Variants in HS6ST3 observed in about 807,000 individuals in gnomAD.
HS6ST3 encodes the protein heparan sulfate 6-O-sulfotransferase 3.
HS6ST3 carries 12 observed loss-of-function variants against 36.7 expected under a neutral mutation model. The observed-to-expected ratio is 0.33, with a 90% CI of 0.21 to 0.53. The LOEUF (loss-of-function observed/expected upper bound fraction) is 0.53. Among genes scored for constraint, HS6ST3 ranks in the 20% least tolerant of loss-of-function variants. The pLI is 0.95. For synonymous variants in HS6ST3, 240 were observed against 257.5 expected, an observed-to-expected ratio of 0.93 and a Z score of 0.65; for missense variants, 584 against 640.9, an observed-to-expected ratio of 0.91 and a Z score of 0.96.
chr13:96,598,306 A>G (rs2056409427), intron 1 of HS6ST3, among the ~76,000 whole-genome samples: 2 of 152,130 alleles, frequency 1.3e-5, no homozygotes, highest in Non-Finnish European at 2.9e-5. Flanking sequence ...CCAACCCATG[A>G]GCATGGAATA....
At chr13:96,345,100 T>G (rs558247089) in intron 1 of HS6ST3, among the ~76,000 whole-genome samples, 1 of 152,324 alleles carries the variant, frequency 6.6e-6, no homozygotes, top group South Asian at 2.1e-4. Flanking sequence ...AGAAACATCC[T>G]AGAATGAGGG....
chr13:96,250,114 C>T (rs1428899965), intron 1 of HS6ST3, among the ~76,000 whole-genome samples: 2 of 152,080 alleles, frequency 1.3e-5, no homozygotes, highest in Non-Finnish European at 1.5e-5. Flanking sequence ...TATTTTACCG[C>T]AATAAATGAT....
In HS6ST3 at chr13:96,542,592, C is replaced by T. The variant is rs191653911; in HGVS notation, c.708-289898C>T. Among the ~76,000 whole-genome samples, 334 of 152,210 alleles carry T rather than the reference C, an allele frequency of 2.2e-3. 3 individuals carry two copies. The highest frequency in any genetic ancestry group is 1.2e-3 in the Non-Finnish European group (80 of 68,014). Reference sequence around the variant, plus strand: ...TTGCTTCACTCCTTGACTGTTCTGACACCTCCCAGCCACAGCCCCCTATAT... The same window carrying T: ...TTGCTTCACTCCTTGACTGTTCTGATACCTCCCAGCCACAGCCCCCTATAT... On this transcript the variant is annotated intron_variant, in intron 1 of 1. Coordinates refer to ENST00000376705, the MANE Select transcript of HS6ST3 (RefSeq NM_153456.4).
At chr13:96,331,789 G>A (rs1448992340) in intron 1 of HS6ST3, among the ~76,000 whole-genome samples, 5 of 152,076 alleles carry the variant, frequency 3.3e-5, no homozygotes, top group African/African-American at 7.2e-5. Context: ...CCTCGCTGCC[G>A]CCTTGCAGTT....
chr13:96,310,433 G>A (rs2054934577), intron 1 of HS6ST3, among the ~76,000 whole-genome samples: 1 of 152,038 alleles, frequency 6.6e-6, no homozygotes, highest in Admixed American at 6.6e-5. Context: ...CAGCTTTTTG[G>A]ATACAGGTAG....
In HS6ST3 at chr13:96,341,667, T is replaced by C. The variant is rs1210600369; in HGVS notation, c.707+250098T>C. Among the ~76,000 whole-genome samples, 4 of 152,136 alleles carry C rather than the reference T, an allele frequency of 2.6e-5. No homozygotes were observed. In the East Asian group the frequency reaches 7.7e-4, roughly 29 times the overall value. ...GTGGAAATTTTGTTTTGAAAAGATA[T>C]GGAGGGGGAGAAATGGAGATCGATG... is the stretch of plus-strand genomic sequence containing the variant. On this transcript the variant is annotated intron_variant, in intron 1 of 1. Coordinates refer to ENST00000376705, the MANE Select transcript of HS6ST3 (RefSeq NM_153456.4).
intron 1 of HS6ST3, among the ~76,000 whole-genome samples, chr13:96,779,545 G>A (rs1297803311): frequency 1.3e-5 from 2 of 151,930 alleles, no homozygotes; most frequent in Non-Finnish European, 2.9e-5. Flanking sequence ...GAGGGATCTG[G>A]ACATTTTGTG....
chr13:96,236,640 C>T (rs570697952), intron 1 of HS6ST3, among the ~76,000 whole-genome samples: 1 of 152,308 alleles, frequency 6.6e-6, no homozygotes, highest in Non-Finnish European at 1.5e-5. Context: ...CTTGCCAGCA[C>T]TCAAGCAGCT....
intron 1 of HS6ST3, among the ~76,000 whole-genome samples, chr13:96,163,385 A>G (rs2054146117): frequency 6.6e-6 from 1 of 151,722 alleles, no homozygotes; most frequent in Non-Finnish European, 1.5e-5. Context: ...GCCCACCACC[A>G]TGCCTGGCTA....
chr13:96,377,066 A>T (rs1412608189), intron 1 of HS6ST3, among the ~76,000 whole-genome samples: 4 of 145,858 alleles, frequency 2.7e-5, no homozygotes, highest in Admixed American at 2.1e-4. Flanking sequence ...TATATATTTT[A>T]TATATATATA....
chr13:96,639,627 G>T (rs1344514902), intron 1 of HS6ST3, among the ~76,000 whole-genome samples: 2 of 151,808 alleles, frequency 1.3e-5, no homozygotes, highest in Admixed American at 1.3e-4. Flanking sequence ...TGAGGTTTGG[G>T]GTATGATTGA....
chr13:96,119,661 T>C (rs769593671), intron 1 of HS6ST3, among the ~76,000 whole-genome samples: 1 of 152,134 alleles, frequency 6.6e-6, no homozygotes, highest in Non-Finnish European at 1.5e-5. Context: ...TACTGTAGAG[T>C]ATAATTAATC....
At chr13:96,203,781 A>G (rs1389076851) in intron 1 of HS6ST3, among the ~76,000 whole-genome samples, 2 of 152,232 alleles carry the variant, frequency 1.3e-5, no homozygotes, top group African/African-American at 4.8e-5. Context: ...AGTGGGTTCA[A>G]ATTTAAAGTA....
chr13:96,613,482 G>A (rs1411971448), intron 1 of HS6ST3, among the ~76,000 whole-genome samples: 1 of 152,172 alleles, frequency 6.6e-6, no homozygotes, highest in African/African-American at 2.4e-5. Context: ...TACTTGCGTG[G>A]CACTGAGAAT....
chr13:96,229,837 C>T (rs1347419588), intron 1 of HS6ST3, among the ~76,000 whole-genome samples: 1 of 152,096 alleles, frequency 6.6e-6, no homozygotes, highest in East Asian at 1.9e-4. Flanking sequence ...ATAAAGGGCA[C>T]ATTGCAAGGG....
intron 1 of HS6ST3, among the ~76,000 whole-genome samples, chr13:96,742,711 A>C (rs1425956102): frequency 6.6e-6 from 1 of 152,132 alleles, no homozygotes; most frequent in Non-Finnish European, 1.5e-5. Context: ...CCAATTTCTA[A>C]GTTTATTTCT....
chr13:96,434,599 G>A (rs1046331873), intron 1 of HS6ST3, among the ~76,000 whole-genome samples: 2 of 152,000 alleles, frequency 1.3e-5, no homozygotes, highest in African/African-American at 2.4e-5. Flanking sequence ...CCCTTTCTTG[G>A]TGCTGGTGCC....
At chr13:96,741,819 A>G (rs779990876) in intron 1 of HS6ST3, among the ~76,000 whole-genome samples, 4 of 152,184 alleles carry the variant, frequency 2.6e-5, no homozygotes, top group Non-Finnish European at 4.4e-5. Context: ...TGTCAATAGC[A>G]TGAGCACTTC....
chr13:96,646,511 A>G (rs747443426), intron 1 of HS6ST3, among the ~76,000 whole-genome samples: 1 of 152,064 alleles, frequency 6.6e-6, no homozygotes, highest in Admixed American at 6.6e-5. Flanking sequence ...TTGTTATAAA[A>G]TATAATTCAT....
Sources: gnomAD v4.1 joint callset for allele counts (sites outside exome capture counted in the v4.1 genomes callset) on GRCh38, gnomAD v4.1.1 for gene constraint, MANE v1.5 for transcripts, NCBI Gene and HGNC (gene_info 2026-07-23, HGNC 2026-07-21) for gene names.